The following MAOA variants were observed in gnomAD, a reference collection of about 807,000 sequenced individuals.
MAOA encodes the protein amine oxidase [flavin-containing] A.
A neutral mutation model predicts 42.0 loss-of-function variants in MAOA; 6 were observed. The observed-to-expected ratio is 0.14, with a 90% CI of 0.08 to 0.28. The LOEUF is 0.28. Among genes scored for constraint, MAOA ranks in the 10% least tolerant of loss-of-function variants. MAOA has a pLI of 1.00. For synonymous variants in MAOA, 140 were observed against 154.0 expected (o/e 0.91, Z 0.67); for missense variants, 262 against 422.3 (o/e 0.62, Z 3.33).
In MAOA at chrX:43,741,937, C is replaced by T. The variant is rs184965368; in HGVS notation, c.1165-13C>T. Reference sequence around the variant, plus strand: ...GTTTTCTCTTTTGTATTTTCTTCCCCACTGAACTGCAGCCAGTGCATTATG... The same window carrying T: ...GTTTTCTCTTTTGTATTTTCTTCCCTACTGAACTGCAGCCAGTGCATTATG... On this transcript the variant is annotated splice_polypyrimidine_tract_variant and intron_variant, in intron 11 of 14. Coordinates refer to ENST00000338702, the MANE Select transcript of MAOA (RefSeq NM_000240.4). The T allele has an allele frequency of 2.9e-4, 346 of 1,209,637 alleles. 1 individual carries two copies. The African/African-American group carries it at 5.7e-3, about 20-fold the overall frequency.
chrX:43,679,725 G>A (rs946845809), intron 1 of MAOA, among the ~76,000 whole-genome samples: 1 of 111,454 alleles, frequency 9.0e-6, no homozygotes, highest in African/African-American at 3.3e-5. Flanking sequence ...CTGGTTTTTA[G>A]TTAGGTTGAT....
upstream of MAOA, chrX:43,656,081 C>G: frequency 4.9e-6 from 2 of 407,668 alleles, no homozygotes; most frequent in South Asian, 3.6e-5. Flanking sequence ...TAACTCTCGC[C>G]GAGTGTCAGT....
intron 8 of MAOA, among the ~76,000 whole-genome samples, chrX:43,732,206 A>G (rs759249469): frequency 9.8e-5 from 11 of 111,896 alleles, no homozygotes; most frequent in Non-Finnish European, 1.7e-4. Flanking sequence ...CTTGCTTGCT[A>G]GCATCAGTCT....
chrX:43,718,680 G>A (rs1430955212), intron 5 of MAOA, among the ~76,000 whole-genome samples: 2 of 109,643 alleles, frequency 1.8e-5, no homozygotes, highest in Non-Finnish European at 3.8e-5. Flanking sequence ...AGGGCAGAGA[G>A]AGAAAGCATG....
intron 5 of MAOA, among the ~76,000 whole-genome samples, chrX:43,717,741 G>A (rs767044108): frequency 1.2e-4 from 13 of 110,400 alleles, no homozygotes; most frequent in Non-Finnish European, 2.3e-4. Flanking sequence ...TAGATGGTTT[G>A]GCGGAATGTT....
At chrX:43,740,205 T>C (rs953985585) in intron 10 of MAOA, among the ~76,000 whole-genome samples, 3 of 111,965 alleles carry the variant, frequency 2.7e-5, no homozygotes, top group African/African-American at 9.7e-5. Context: ...GCTTAAAAGA[T>C]GAAATGAGCT....
At chrX:43,696,126 C>T (rs912950581) in intron 3 of MAOA, among the ~76,000 whole-genome samples, 3 of 111,631 alleles carry the variant, frequency 2.7e-5, no homozygotes, top group Non-Finnish European at 5.6e-5. Flanking sequence ...AGATGATGCA[C>T]GTTACATTAG....
chrX:43,705,406 C>T (rs186658809), intron 3 of MAOA, among the ~76,000 whole-genome samples: 85 of 112,117 alleles, frequency 7.6e-4, no homozygotes, highest in South Asian at 1.5e-3. Flanking sequence ...GTTGTTGGAA[C>T]GACTGGATAT....
chrX:43,707,459 G>A (rs984907600), intron 3 of MAOA, among the ~76,000 whole-genome samples: 1 of 111,773 alleles, frequency 8.9e-6, no homozygotes, highest in African/African-American at 3.3e-5. Context: ...AATGCAAAGA[G>A]GATGACAAAT....
chrX:43,730,570 C>A (rs1200079337), intron 6 of MAOA, among the ~76,000 whole-genome samples: 1 of 102,791 alleles, frequency 9.7e-6, no homozygotes, highest in Non-Finnish European at 2.0e-5. Context: ...CGGCTCACTG[C>A]AACCTCCGCC....
At chrX:43,741,847 T>G in intron 11 of MAOA, 103 bp from the exon 12 acceptor site, 1 of 1,155,827 alleles carries the variant, frequency 8.7e-7, no homozygotes, top group East Asian at 3.2e-5. Flanking sequence ...AGGATTTTCT[T>G]TATTTTCTTA....
chrX:43,680,377 T>TA (rs2033433426), intron 1 of MAOA, among the ~76,000 whole-genome samples: 1 of 110,847 alleles, frequency 9.0e-6, no homozygotes, highest in African/African-American at 3.3e-5. Context: ...GAGTAGGGAA[T>TA]AAAAAAACAA....
rs767422621 is a variant in MAOA, at chrX:43,726,714, G to A, written c.504-1459G>A. 1.5e-4 allele frequency among the ~76,000 whole-genome samples: 17 copies of A among 111,785 alleles called. 1 individual carries two copies. The highest frequency in any genetic ancestry group is 3.8e-4 in the South Asian group (1 of 2,655). On this transcript the variant is annotated intron_variant, in intron 5 of 14. Coordinates refer to ENST00000338702, the MANE Select transcript of MAOA (RefSeq NM_000240.4). Reference sequence around the variant, plus strand: ...TCATTCTCTGTTCAGTTTTGTTCCCGTGCTGGCGAGGAGTTGTGATCCTTT... The same window carrying A: ...TCATTCTCTGTTCAGTTTTGTTCCCATGCTGGCGAGGAGTTGTGATCCTTT...
intron 1 of MAOA, among the ~76,000 whole-genome samples, chrX:43,659,682 C>T (rs970504316): frequency 3.6e-5 from 4 of 111,395 alleles, no homozygotes; most frequent in African/African-American, 9.8e-5. Context: ...GGGTATTTCA[C>T]GATTGAACAC....
intron 10 of MAOA, among the ~76,000 whole-genome samples, chrX:43,737,101 G>A (rs1281856433): frequency 1.8e-5 from 2 of 111,639 alleles, no homozygotes; most frequent in Non-Finnish European, 3.8e-5. Context: ...ATGTGCACAC[G>A]GATTTGTTTA....
chrX:43,680,811 T>C (rs1249460780), intron 1 of MAOA, among the ~76,000 whole-genome samples: 1 of 111,611 alleles, frequency 9.0e-6, no homozygotes, highest in East Asian at 2.8e-4. Context: ...TTGGTTGTTT[T>C]GAGGTTCAGC....
chrX:43,706,654 A>AAATAAATAAAT (rs1569196430), intron 3 of MAOA, among the ~76,000 whole-genome samples: 90 of 92,209 alleles, frequency 9.8e-4, no homozygotes, highest in African/African-American at 6.2e-3. Context: ...AATAAATAAA[A>AAATAAATAAAT]ATACAAAAAT....
intron 2 of MAOA, among the ~76,000 whole-genome samples, chrX:43,685,836 G>A (rs190907347): frequency 1.6e-4 from 18 of 111,814 alleles, no homozygotes; most frequent in African/African-American, 4.9e-4. Context: ...ATGCCAATCC[G>A]GATTAAATTT....
intron 3 of MAOA, among the ~76,000 whole-genome samples, chrX:43,704,313 A>G (rs1030814666): frequency 8.9e-6 from 1 of 111,959 alleles, no homozygotes; most frequent in Non-Finnish European, 1.9e-5. Flanking sequence ...TATTCCAGGA[A>G]TGAAAGGTTA....
Sources: allele counts gnomAD v4.1 joint callset (sites outside exome capture counted in the v4.1 genomes callset), GRCh38; gene constraint gnomAD v4.1.1; transcripts MANE v1.5; gene names NCBI Gene and HGNC (gene_info 2026-07-23, HGNC 2026-07-21).